The following KPNA6 variants were observed in gnomAD, a reference collection of about 807,000 sequenced individuals.
KPNA6 encodes the protein karyopherin subunit alpha 6, also known as importin subunit alpha-7.
KPNA6 carries 9 observed loss-of-function variants against 72.0 expected under a neutral mutation model. That is an observed-to-expected ratio of 0.13 (90% CI 0.08 to 0.22). KPNA6 has a LOEUF of 0.22. KPNA6 is among the 10% of genes least tolerant of loss of function. The pLI, the probability that KPNA6 is intolerant of heterozygous loss-of-function variation, is 1.00. For synonymous variants in KPNA6, 219 were observed against 242.1 expected, an observed-to-expected ratio of 0.90 and a Z score of 0.89; for missense variants, 374 against 655.7, an observed-to-expected ratio of 0.57 and a Z score of 4.69.
At chr1:32,165,080 T>A (rs1642308710) in intron 10 of KPNA6, among the ~76,000 whole-genome samples, 1 of 151,920 alleles carries the variant, frequency 6.6e-6, no homozygotes, top group African/African-American at 2.4e-5. Context: ...TTGAATTTGT[T>A]TTTTTTTGGA....
chr1:32,155,025 T>TG lies in KPNA6; in HGVS notation c.138+305dup, dbSNP rs1642111060. 2.7e-5 allele frequency among the ~76,000 whole-genome samples: 4 copies of TG among 150,342 alleles called. No homozygotes were observed. The South Asian group carries it at 8.4e-4, about 32-fold the overall frequency. ...ACTTGGGAGGCTGAAGCAGGAGAATTGCTTGAACCTGGGAGGCGGAGGTTG... is the reference window on the plus strand; with the variant it reads ...ACTTGGGAGGCTGAAGCAGGAGAATTGGCTTGAACCTGGGAGGCGGAGGTTG... On this transcript the variant is annotated intron_variant, in intron 2 of 13. Coordinates refer to ENST00000373625, the MANE Select transcript of KPNA6 (RefSeq NM_012316.5).
chr1:32,115,479 G>A lies in KPNA6; in HGVS notation c.4+7345G>A, dbSNP rs186013152. On this transcript the variant is annotated intron_variant, in intron 1 of 13. Coordinates refer to ENST00000373625, the MANE Select transcript of KPNA6 (RefSeq NM_012316.5). ...GGGTTTTTGTCTGTCACCCAGGCTGGGGTGCAGTGGCAAGATAGCACACTG... is the reference window on the plus strand; with the variant it reads ...GGGTTTTTGTCTGTCACCCAGGCTGAGGTGCAGTGGCAAGATAGCACACTG... Among the ~76,000 whole-genome samples the A allele has an allele frequency of 3.4e-3, 512 of 152,192 alleles. 5 individuals carry two copies. Among genetic ancestry groups the A allele is most frequent in the Non-Finnish European group, 3.3e-3 (223 of 68,014 alleles).
In KPNA6 at chr1:32,175,564, C is replaced by T. The variant is rs1642512148; in HGVS notation, c.*4670C>T. The T allele has an allele frequency of 6.6e-6, 1 of 151,856 alleles. No homozygotes were observed. Among genetic ancestry groups the T allele is most frequent in the African/African-American group, 2.4e-5 (1 of 41,262 alleles). The allele number at this position is 151,856 out of a possible 1,614,324, so 9.4% of individuals were successfully genotyped here. Reference sequence around the variant, plus strand: ...CTTTGGGAGGCCGAGGCGGGTGGATCACGAGGTCAGGAGTTTGAGACCAGC... The same window carrying T: ...CTTTGGGAGGCCGAGGCGGGTGGATTACGAGGTCAGGAGTTTGAGACCAGC... On this transcript the variant is annotated 3_prime_UTR_variant, in exon 14 of 14. Coordinates refer to ENST00000373625, the MANE Select transcript of KPNA6 (RefSeq NM_012316.5).
intron 9 of KPNA6, 115 bp from the exon 10 acceptor site, chr1:32,163,120 A>T: frequency 1.5e-6 from 1 of 688,588 alleles, no homozygotes; most frequent in Non-Finnish European, 2.6e-6. Context: ...AAAAGAAAAA[A>T]GAAAAAAAAA....
intron 1 of KPNA6, among the ~76,000 whole-genome samples, chr1:32,146,138 C>A (rs1641925251): frequency 6.6e-6 from 1 of 152,056 alleles, no homozygotes; most frequent in Non-Finnish European, 1.5e-5. Context: ...TGTTCAAGTC[C>A]TCTGTTACTT....
intron 1 of KPNA6, among the ~76,000 whole-genome samples, chr1:32,134,380 C>T (rs983547611): frequency 2.0e-5 from 3 of 151,940 alleles, no homozygotes; most frequent in Non-Finnish European, 4.4e-5. Context: ...AGTGACTTAG[C>T]CTATGATCTT....
intron 1 of KPNA6, among the ~76,000 whole-genome samples, chr1:32,141,803 T>G (rs1029406535): frequency 6.6e-6 from 1 of 152,176 alleles, no homozygotes; most frequent in Non-Finnish European, 1.5e-5. Flanking sequence ...AAGGCTTAAT[T>G]AACTTGAATT....
chr1:32,111,938 C>G (rs1282659749), intron 1 of KPNA6, among the ~76,000 whole-genome samples: 1 of 152,160 alleles, frequency 6.6e-6, no homozygotes, highest in African/African-American at 2.4e-5. Context: ...CACTACTTGT[C>G]TTTTCACCAT....
chr1:32,121,318 GA>G (rs796531005), intron 1 of KPNA6, among the ~76,000 whole-genome samples: 1 of 152,064 alleles, frequency 6.6e-6, no homozygotes, highest in African/African-American at 2.4e-5. Flanking sequence ...AAGCCAAGGG[GA>G]AAAAAAATTA....
In KPNA6 at chr1:32,112,134, C is replaced by T. The variant is rs530448022; in HGVS notation, c.4+4000C>T. ...GAAGCCTGGGGAACTTGTGGAGAAG[C>T]CTTCCTTATTTAAAAGAGACTTGCC... On this transcript the variant is annotated intron_variant, in intron 1 of 13. Coordinates refer to ENST00000373625, the MANE Select transcript of KPNA6 (RefSeq NM_012316.5). Among the ~76,000 whole-genome samples the T allele has an allele frequency of 8.5e-5, 13 of 152,314 alleles. No homozygotes were observed. In the South Asian group the frequency reaches 2.5e-3, roughly 29 times the overall value.
intron 12 of KPNA6, 85 bp from the exon 13 acceptor site, chr1:32,169,797 G>A: frequency 8.4e-7 from 1 of 1,187,776 alleles, no homozygotes. Context: ...ATTAGTAAGA[G>A]TGGGTTGCTG....
chr1:32,156,690 T>C (rs903743264), intron 2 of KPNA6, among the ~76,000 whole-genome samples, 163 bp from the exon 3 acceptor site: 2 of 152,210 alleles, frequency 1.3e-5, no homozygotes, highest in Non-Finnish European at 2.9e-5. Flanking sequence ...ACTAAAATAA[T>C]AGAAAGCAAA....
At chr1:32,168,451 G>C (rs1000215220) in intron 12 of KPNA6, among the ~76,000 whole-genome samples, 2 of 152,170 alleles carry the variant, frequency 1.3e-5, no homozygotes, top group African/African-American at 4.8e-5. Flanking sequence ...TGGCCTCCCA[G>C]AGTGCTGGGA....
At chr1:32,115,699 A>C (rs867658945) in intron 1 of KPNA6, among the ~76,000 whole-genome samples, 1 of 152,098 alleles carries the variant, frequency 6.6e-6, no homozygotes, top group South Asian at 2.1e-4. Context: ...CACTGGGATT[A>C]CAAGCATGAG....
chr1:32,112,578 C>T (rs779271961), intron 1 of KPNA6, among the ~76,000 whole-genome samples: 25 of 152,162 alleles, frequency 1.6e-4, no homozygotes, highest in East Asian at 3.9e-4. Context: ...CTGCAACCTC[C>T]GCTTCCTGGG....
chr1:32,155,329 T>TTTTTTTTC, intron 2 of KPNA6, among the ~76,000 whole-genome samples: 1 of 148,486 alleles, frequency 6.7e-6, no homozygotes, highest in Non-Finnish European at 1.5e-5. Context: ...TTTTTTTCTT[T>TTTTTTTTC]TTTTTTTTTT....
intron 1 of KPNA6, among the ~76,000 whole-genome samples, chr1:32,111,843 C>T (rs1218844723): frequency 6.6e-6 from 1 of 152,170 alleles, no homozygotes; most frequent in African/African-American, 2.4e-5. Flanking sequence ...CCACTAGGTG[C>T]CCTGTAGGGG....
At chr1:32,121,971 TCAAA>T (rs1241725369) in intron 1 of KPNA6, among the ~76,000 whole-genome samples, 1 of 150,494 alleles carries the variant, frequency 6.6e-6, no homozygotes, top group Admixed American at 6.6e-5. Flanking sequence ...ACACTCCGAC[TCAAA>T]CAAAAAAGCC....
chr1:32,162,293 T>G, intron 8 of KPNA6, 68 bp from the exon 9 acceptor site: 1 of 1,434,642 alleles, frequency 7.0e-7, no homozygotes, highest in Admixed American at 2.1e-5. Flanking sequence ...GGTTGCAATG[T>G]TAGGGTTCGT....
Sources: allele counts gnomAD v4.1 joint callset (sites outside exome capture counted in the v4.1 genomes callset), GRCh38; gene constraint gnomAD v4.1.1; transcripts MANE v1.5; gene names NCBI Gene and HGNC (gene_info 2026-07-23, HGNC 2026-07-21).